The following FREM2 variants were observed in gnomAD, a reference collection of about 807,000 sequenced individuals.
The protein encoded by FREM2 is FRAS1 related extracellular matrix 2.
A neutral mutation model predicts 219.9 loss-of-function variants in FREM2; 119 were observed. The ratio of observed to expected loss-of-function variants is 0.54; its 90% CI spans 0.47 to 0.63. FREM2 has a LOEUF of 0.63. Ranked by LOEUF, FREM2 falls within the 30% of genes least tolerant of loss-of-function variation. The probability of loss-of-function intolerance (pLI) is 0.00; values close to 1 mark genes in which losing one functional copy is unlikely to be tolerated. For missense variants in FREM2, 4,030 were observed against 3,993.6 expected, an observed-to-expected ratio of 1.01 and a Z score of -0.25; for synonymous variants, 1,562 against 1,522.8, an observed-to-expected ratio of 1.03 and a Z score of -0.60.
chr13:38,867,781 T>C (rs944157025), intron 16 of FREM2, among the ~76,000 whole-genome samples: 4 of 152,220 alleles, frequency 2.6e-5, no homozygotes, highest in Non-Finnish European at 4.4e-5. Flanking sequence ...GAGAGAGAGA[T>C]AATTCACAAC....
At chr13:38,777,265 A>G (rs1873910339) in intron 4 of FREM2, among the ~76,000 whole-genome samples, 1 of 152,182 alleles carries the variant, frequency 6.6e-6, no homozygotes, top group African/African-American at 2.4e-5. Flanking sequence ...ATTCTACTGC[A>G]ATGGCCATCT....
chr13:38,874,314 A>G (rs1221564734), intron 17 of FREM2, among the ~76,000 whole-genome samples, 168 bp from the exon 18 acceptor site: 1 of 152,174 alleles, frequency 6.6e-6, no homozygotes, highest in Non-Finnish European at 1.5e-5. Flanking sequence ...CTGCTTAGAA[A>G]AGAAAATGAA....
Position 38,690,256 on chromosome 13 carries a change from G to T in FREM2, c.2912G>T (p.Gly971Val), listed in dbSNP as rs1256514051. The change falls in exon 1 of 24, where the codon GGG (glycine) becomes GTG (valine). Residue 971 changes from glycine to valine, a missense_variant. By Grantham distance (109) the Gly-to-Val change is moderately radical. Transcript: ENST00000280481. The stretch of plus-strand genomic sequence containing the variant: ...GAAATCACTGCCAATGTTATTAAGG[G>T]GACCAATGAGGAAACTGATGACTTG... The part of the protein sequence containing the change: ...ATEITANVIK[G>V]TNEETDDLML... 3 of 1,614,004 alleles carry T rather than the reference G, an allele frequency of 1.9e-6. No individual in the cohort carries two copies. The Admixed American group carries it at 5.0e-5, about 27-fold the overall frequency.
At chr13:38,858,103 G>C (rs111907873) in intron 13 of FREM2, 70 bp downstream of exon 13, 3 of 1,315,864 alleles carry the variant, frequency 2.3e-6, no homozygotes, top group Non-Finnish European at 3.3e-6. Context: ...AATCAATATA[G>C]CATTGGCTTT....
chr13:38,709,892 C>T (rs534631119), intron 2 of FREM2, among the ~76,000 whole-genome samples: 1 of 151,600 alleles, frequency 6.6e-6, no homozygotes, highest in African/African-American at 2.4e-5. Context: ...GCCTATAATC[C>T]CAGCACTTTG....
chr13:38,866,063 C>T (rs1345590936), intron 16 of FREM2, among the ~76,000 whole-genome samples: 4 of 152,156 alleles, frequency 2.6e-5, no homozygotes, highest in Admixed American at 6.5e-5. Context: ...AAGCTGCCTT[C>T]AATCCATTAC....
chr13:38,689,272 G>A lies in FREM2; in HGVS notation c.1928G>A (p.Trp643Ter), dbSNP rs897320496. The change falls in exon 1 of 24, where the codon TGG (tryptophan) becomes TAG (stop). Residue 643 changes from tryptophan (W) to a stop codon, truncating the protein, a stop_gained. Coordinates refer to ENST00000280481, the MANE Select transcript of FREM2 (RefSeq NM_207361.6). LOFTEE classifies it high-confidence loss of function. ...GAFYERTVTE[W>*]QQQDITEGRL... ...TTTTATGAGCGAACAGTGACAGAGT[G>A]GCAGCAGCAGGACATAACAGAGGGC... is the stretch of plus-strand genomic sequence containing the variant. 1.2e-6 allele frequency: 2 copies of A among 1,613,944 alleles called. No homozygotes were observed. Among genetic ancestry groups the A allele is most frequent in the Non-Finnish European group, 8.5e-7 (1 of 1,180,004 alleles).
intron 11 of FREM2, among the ~76,000 whole-genome samples, chr13:38,854,800 C>G (rs773562014): frequency 1.3e-4 from 20 of 152,036 alleles, no homozygotes; most frequent in Non-Finnish European, 2.2e-4. Flanking sequence ...GCTCCTCGTA[C>G]CTGATAATTT....
At chr13:38,880,071 A>T (rs2137942388) in intron 23 of FREM2, among the ~76,000 whole-genome samples, 1 of 152,360 alleles carries the variant, frequency 6.6e-6, no homozygotes, top group African/African-American at 2.4e-5. Context: ...CAAGTATCAC[A>T]TATTCACTCC....
Position 38,687,795 on chromosome 13 carries a change from G to T in FREM2, c.451G>T (p.Val151Phe), listed in dbSNP as rs760256111. 14 of 1,538,646 alleles carry T rather than the reference G, an allele frequency of 9.1e-6. No homozygotes were observed. In the South Asian group the frequency reaches 1.6e-4, roughly 18 times the overall value. ...CGCGCGCAGCCCGTCTCGGGACCGC[G>T]TCCGGCTGCAGCTGCGCTATGACGC... is the stretch of plus-strand genomic sequence containing the variant. The part of the protein sequence containing the change: ...LGARSPSRDR[V>F]RLQLRYDAPG... The change falls in exon 1 of 24, where the codon GTC (valine) becomes TTC (phenylalanine). Residue 151 changes from valine to phenylalanine, a missense_variant. By Grantham distance (50) the Val-to-Phe change is conservative. Around this residue, in one of 2 missense-constraint regions of FREM2, gnomAD observed 3,102 missense variants for 2,950.7 expected, o/e 1.05. Transcript: ENST00000280481.
At chr13:38,840,286 C>T (rs1489819569) in intron 6 of FREM2, among the ~76,000 whole-genome samples, 1 of 151,960 alleles carries the variant, frequency 6.6e-6, no homozygotes, top group Non-Finnish European at 1.5e-5. Flanking sequence ...GGGCTGCATC[C>T]ACTGTCTGAC....
rs551700574 is a variant in FREM2 at position 38,808,063 on chromosome 13, A to G, written c.6019+23255A>G. On this transcript the variant is annotated intron_variant, in intron 6 of 23. Transcript: ENST00000280481. ...AGTGAGATCTTCTGGATAACTTGCT[A>G]CAGCTTCTACGTCAGCACTTGCTGC... Among the ~76,000 whole-genome samples the G allele has an allele frequency of 1.5e-3, 232 of 152,082 alleles. 1 individual carries two copies. The highest frequency in any genetic ancestry group is 5.1e-3 in the African/African-American group (212 of 41,574).
chr13:38,860,211 C>T (rs1433253603), intron 14 of FREM2, among the ~76,000 whole-genome samples: 2 of 151,780 alleles, frequency 1.3e-5, no homozygotes, highest in Non-Finnish European at 2.9e-5. Context: ...TTGCTGGGGA[C>T]GGGAGGGGAA....
intron 2 of FREM2, among the ~76,000 whole-genome samples, chr13:38,700,274 A>T (rs1251876386): frequency 3.3e-5 from 5 of 152,112 alleles, no homozygotes; most frequent in African/African-American, 9.7e-5. Context: ...TTCTGTTATG[A>T]TGTAGTAATG....
chr13:38,766,568 A>G (rs903590416), intron 3 of FREM2, among the ~76,000 whole-genome samples: 9 of 152,192 alleles, frequency 5.9e-5, no homozygotes, highest in Non-Finnish European at 1.2e-4. Flanking sequence ...GCTTTTATTT[A>G]TGGACTTTTA....
At chr13:38,792,739 T>A (rs1486703449) in intron 6 of FREM2, among the ~76,000 whole-genome samples, 2 of 150,648 alleles carry the variant, frequency 1.3e-5, no homozygotes, top group South Asian at 2.1e-4. Context: ...GCAGCTAATA[T>A]TCACTCATTT....
At chr13:38,814,005 C>T (rs549309112) in intron 6 of FREM2, among the ~76,000 whole-genome samples, 3 of 152,086 alleles carry the variant, frequency 2.0e-5, no homozygotes, top group Non-Finnish European at 2.9e-5. Context: ...TTCATGATGT[C>T]GCCTACATTT....
chr13:38,823,894 T>C (rs1051871935), intron 6 of FREM2, among the ~76,000 whole-genome samples: 2 of 152,036 alleles, frequency 1.3e-5, no homozygotes, highest in Non-Finnish European at 2.9e-5. Context: ...TCTTCAACGA[T>C]AAAGACAAAG....
At chr13:38,802,167 T>TG (rs903665804) in intron 6 of FREM2, among the ~76,000 whole-genome samples, 5 of 152,076 alleles carry the variant, frequency 3.3e-5, no homozygotes, top group African/African-American at 1.2e-4. Flanking sequence ...ATAAGCGAGG[T>TG]GGGGTTGTTC....
Sources: gnomAD v4.1 joint callset for allele counts (sites outside exome capture counted in the v4.1 genomes callset) on GRCh38, gnomAD v4.1.1 for gene constraint, gnomAD v4.1.1 regional missense constraint, MANE v1.5 for transcripts, NCBI Gene and HGNC (gene_info 2026-07-23, HGNC 2026-07-21) for gene names.